The following NUP210L variants were observed in gnomAD, a reference collection of about 807,000 sequenced individuals.
The protein encoded by NUP210L is nuclear pore membrane glycoprotein 210-like.
In NUP210L, 74 loss-of-function variants were observed where a neutral mutation model predicts 208.5. That is an observed-to-expected ratio of 0.35 (90% CI 0.29 to 0.43). The LOEUF (loss-of-function observed/expected upper bound fraction) is 0.43, where lower values mean the gene tolerates loss of function less well. Ranked by LOEUF, NUP210L falls within the 20% of genes least tolerant of loss-of-function variation. The pLI is 1.00. For missense variants in NUP210L, 1,843 were observed against 2,289.4 expected (o/e 0.81, Z 3.98); for synonymous variants, 780 against 816.9 (o/e 0.95, Z 0.77).
At chr1:154,078,935 C>CTTAT (rs1019074297) in intron 16 of NUP210L, 3 of 152,122 alleles carry the variant, frequency 2.0e-5, no homozygotes, top group African/African-American at 4.8e-5. Context: ...TCAGGCTTTT[C>CTTAT]TTATTTATTT....
At chr1:154,029,161 G>A (rs1317608007) in intron 28 of NUP210L, among the ~76,000 whole-genome samples, 3 of 144,180 alleles carry the variant, frequency 2.1e-5, no homozygotes, top group Admixed American at 1.4e-4. Context: ...GGCAGATCAC[G>A]AGGTCAGGAG....
chr1:154,006,771 AGGCGTGAGCCACCATGCCT>A (rs1436275491), intron 35 of NUP210L, among the ~76,000 whole-genome samples: 2 of 146,878 alleles, frequency 1.4e-5, no homozygotes, highest in Non-Finnish European at 3.0e-5. Context: ...CTGGGATTAC[AGGCGTGAGCCACCATGCCT>A]GGCCTCTTTC....
At chr1:154,122,540 C>T (rs2500220) in intron 10 of NUP210L, among the ~76,000 whole-genome samples, 59,241 of 151,848 alleles carry the variant, frequency 0.39, 12,562 homozygotes, top group Non-Finnish European at 0.49. Flanking sequence ...CCTGTAGTCC[C>T]AGCTACTCAG....
chr1:154,033,002 A>C (rs552051318), intron 27 of NUP210L, among the ~76,000 whole-genome samples: 4 of 147,652 alleles, frequency 2.7e-5, no homozygotes, highest in African/African-American at 1.0e-4. Context: ...AGAAAGAAAG[A>C]AAAAAAGAAA....
intron 16 of NUP210L, among the ~76,000 whole-genome samples, chr1:154,088,252 C>T (rs763101403): frequency 1.6e-4 from 25 of 151,520 alleles, no homozygotes; most frequent in Non-Finnish European, 3.1e-4. Context: ...TTGGGAAAAT[C>T]AACTGACTGG....
chr1:154,060,907 A>G (rs747093550), intron 19 of NUP210L, 35 bp downstream of exon 19: 1 of 1,365,822 alleles, frequency 7.3e-7, no homozygotes, highest in Non-Finnish European at 1.0e-6. Context: ...CCCCTCCAAT[A>G]TGATTCCATT....
intron 27 of NUP210L, among the ~76,000 whole-genome samples, chr1:154,031,537 AC>A (rs980629192): frequency 1.0e-3 from 100 of 97,486 alleles, no homozygotes; most frequent in Admixed American, 3.3e-3. Context: ...CCCACCCACT[AC>A]GCTTTCCAGC....
chr1:154,127,973 TCTAC>T (rs1028275071), intron 8 of NUP210L, among the ~76,000 whole-genome samples: 2 of 152,076 alleles, frequency 1.3e-5, no homozygotes, highest in African/African-American at 4.8e-5. Context: ...AGGTGATCCT[TCTAC>T]CTTAGTCTTC....
At chr1:154,091,606 T>C (rs2148048616) in intron 15 of NUP210L, among the ~76,000 whole-genome samples, 1 of 151,156 alleles carries the variant, frequency 6.6e-6, no homozygotes, top group Admixed American at 6.6e-5. Flanking sequence ...GTTCAAGCGA[T>C]TCTCCTGTCT....
intron 14 of NUP210L, 123 bp from the exon 15 acceptor site, chr1:154,095,279 T>G (rs1656125321): frequency 1.4e-6 from 1 of 711,594 alleles, no homozygotes; most frequent in South Asian, 1.9e-5. Flanking sequence ...AATTAAGAGA[T>G]ATGTATGCCA....
At chr1:154,009,822 G>C (rs1027203862) in intron 35 of NUP210L, 150 bp downstream of exon 35, 14 of 477,594 alleles carry the variant, frequency 2.9e-5, no homozygotes, top group Non-Finnish European at 4.2e-5. Flanking sequence ...AAAAAGAGTT[G>C]AACGGGTTGA....
chr1:154,073,633 G>A (rs1206214668), intron 16 of NUP210L, among the ~76,000 whole-genome samples: 1 of 151,764 alleles, frequency 6.6e-6, no homozygotes, highest in Non-Finnish European at 1.5e-5. Context: ...TGGCTAACAT[G>A]GCGAAACCCT....
chr1:154,141,482 C>A, exon 4 of NUP210L: 2 of 1,613,208 alleles, frequency 1.2e-6, no homozygotes, highest in Non-Finnish European at 1.7e-6. Context: ...CTGGGCAATG[C>A]TCCACTCAAA....
chr1:154,000,889 C>G, exon 37 of NUP210L: 1 of 1,614,104 alleles, frequency 6.2e-7, no homozygotes, highest in Non-Finnish European at 8.5e-7. Context: ...GCCCTCACTA[C>G]CACTGCCTCA....
intron 7 of NUP210L, among the ~76,000 whole-genome samples, chr1:154,129,847 A>G (rs955705118): frequency 6.6e-6 from 1 of 152,232 alleles, no homozygotes; most frequent in Non-Finnish European, 1.5e-5. Flanking sequence ...AATGTTTAAT[A>G]CCAAAATGTT....
At chr1:154,022,051 C>CTT in intron 32 of NUP210L, 75 bp downstream of exon 32, 16 of 1,185,188 alleles carry the variant, frequency 1.3e-5, no homozygotes, top group Non-Finnish European at 1.8e-5. Context: ...TTAATAACTG[C>CTT]TTTTTTTTTT....
Position 154,139,790 on chromosome 1 carries a change from C to T in NUP210L, c.717+12G>A. 6.2e-7 allele frequency: 1 copy of T among 1,607,392 alleles called. No homozygotes were observed. Among genetic ancestry groups the T allele is most frequent in the Non-Finnish European group, 8.5e-7 (1 of 1,176,924 alleles). On this transcript the variant is annotated intron_variant, in intron 5 of 39. Coordinates refer to ENST00000368559, the Ensembl canonical transcript of NUP210L. ...ACAAGTAAGGAAAATTTATAGCACA[C>T]AAACTTTTTACCTTATAGAATGGTT...
At chr1:153,997,663 A>G (rs1251365108) in intron 37 of NUP210L, among the ~76,000 whole-genome samples, 1 of 140,936 alleles carries the variant, frequency 7.1e-6, no homozygotes. Flanking sequence ...GGGTTTTGCC[A>G]TGTTGCCCAG....
At chr1:154,153,406 T>A (rs1050859327) in intron 1 of NUP210L, among the ~76,000 whole-genome samples, 10 of 152,012 alleles carry the variant, frequency 6.6e-5, no homozygotes, top group African/African-American at 2.4e-4. Flanking sequence ...GCCTCCAGGG[T>A]TCAAGCGATT....
Sources: allele counts gnomAD v4.1 joint callset (sites outside exome capture counted in the v4.1 genomes callset), GRCh38; gene constraint gnomAD v4.1.1; transcripts MANE v1.5; gene names NCBI Gene and HGNC (gene_info 2026-07-23, HGNC 2026-07-21).